SLC12A2: variants seen among roughly 807,000 people sequenced by gnomAD.
SLC12A2 encodes the protein Na-K-2Cl cotransporter 1.
A neutral mutation model predicts 136.3 loss-of-function variants in SLC12A2; 67 were observed. That is an observed-to-expected ratio of 0.49 (90% confidence interval 0.40 to 0.60). The LOEUF (loss-of-function observed/expected upper bound fraction) is 0.60. Ranked by LOEUF, SLC12A2 falls within the 20% of genes least tolerant of loss-of-function variation. The pLI is 0.00. For synonymous variants in SLC12A2, 619 were observed against 562.9 expected, an observed-to-expected ratio of 1.10 and a Z score of -1.41; for missense variants, 1,322 against 1,534.7, an observed-to-expected ratio of 0.86 and a Z score of 2.32.
intron 12 of SLC12A2, 59 bp from the exon 13 acceptor site, chr5:128,149,938 A>G: frequency 1.8e-6 from 2 of 1,142,104 alleles, no homozygotes; most frequent in Non-Finnish European, 2.6e-6. Context: ...AATACTTCAT[A>G]ATTTTAAAAA....
chr5:128,175,075 TC>T (rs2126750879), intron 20 of SLC12A2, among the ~76,000 whole-genome samples: 1 of 152,228 alleles, frequency 6.6e-6, no homozygotes, highest in African/African-American at 2.4e-5. Flanking sequence ...GACTTCCAAA[TC>T]TTACTCTCCC....
chr5:128,140,378 A>C (rs1483825308), intron 9 of SLC12A2, among the ~76,000 whole-genome samples: 1 of 152,182 alleles, frequency 6.6e-6, no homozygotes, highest in Non-Finnish European at 1.5e-5. Flanking sequence ...TATTTTGAAA[A>C]CACGGATGAA....
Position 128,146,176 on chromosome 5 carries a change from G to A in SLC12A2, c.1774-1446G>A, listed in dbSNP as rs141731211. ...AAATAAGTTATAGACATCATGACAC[G>A]ACGATCATTTTGAAGTATTTAATGC... is the stretch of plus-strand genomic sequence containing the variant. On this transcript the variant is annotated intron_variant, in intron 10 of 26. Coordinates refer to ENST00000262461, the MANE Select transcript of SLC12A2 (RefSeq NM_001046.3). Among the ~76,000 whole-genome samples, 258 of 151,844 alleles carry A rather than the reference G, an allele frequency of 1.7e-3. 1 individual carries two copies. Among genetic ancestry groups the A allele is most frequent in the African/African-American group, 5.0e-3 (209 of 41,494 alleles).
intron 1 of SLC12A2, among the ~76,000 whole-genome samples, chr5:128,096,787 A>G (rs1449393874): frequency 6.6e-6 from 1 of 152,034 alleles, no homozygotes; most frequent in African/African-American, 2.4e-5. Context: ...AAACAAATTT[A>G]AGAAAGGTAA....
At chr5:128,143,102 G>A (rs1762424400) in intron 10 of SLC12A2, among the ~76,000 whole-genome samples, 1 of 151,984 alleles carries the variant, frequency 6.6e-6, no homozygotes, top group Admixed American at 6.6e-5. Context: ...CCATTTATTT[G>A]TATTTTCTTT....
chr5:128,162,699 CAG>C (rs975686251), intron 17 of SLC12A2, among the ~76,000 whole-genome samples: 18 of 151,732 alleles, frequency 1.2e-4, no homozygotes, highest in African/African-American at 1.9e-4. Context: ...ATGTCAGTAA[CAG>C]AAAAAAAGCG....
At chr5:128,104,646 A>T (rs1256974031) in intron 1 of SLC12A2, among the ~76,000 whole-genome samples, 10 of 141,976 alleles carry the variant, frequency 7.0e-5, no homozygotes, top group East Asian at 6.0e-4. Flanking sequence ...AAAAGAAAAA[A>T]AAATATATAT....
At chr5:128,175,739 C>G (rs1400890994) in intron 20 of SLC12A2, among the ~76,000 whole-genome samples, 1 of 151,862 alleles carries the variant, frequency 6.6e-6, no homozygotes, top group Non-Finnish European at 1.5e-5. Flanking sequence ...TTTCTACTTA[C>G]CTTTTTATTG....
intron 7 of SLC12A2, among the ~76,000 whole-genome samples, chr5:128,138,047 C>G (rs1762241985): frequency 6.6e-6 from 1 of 151,484 alleles, no homozygotes; most frequent in East Asian, 1.9e-4. Context: ...AAATGATTCT[C>G]TCACCCCAGC....
At chr5:128,107,049 ACTC>A (rs1760963999) in intron 1 of SLC12A2, among the ~76,000 whole-genome samples, 3 of 151,888 alleles carry the variant, frequency 2.0e-5, no homozygotes, top group Admixed American at 2.0e-4. Context: ...AGATAAGGGA[ACTC>A]CTCCTTAAAG....
Position 128,178,670 on chromosome 5 carries a change from G to C in SLC12A2, c.3081G>C (p.Trp1027Cys), listed in dbSNP as rs1238901953. The C allele has an allele frequency of 1.1e-5, 17 of 1,569,736 alleles. No individual in the cohort carries two copies. Among genetic ancestry groups the C allele is most frequent in the Admixed American group, 2.0e-5 (1 of 50,862 alleles). The stretch of plus-strand genomic sequence containing the variant: ...AAGGAAAGAATACTATTGATGTCTG[G>C]TGGCTTTTTGATGATGGAGGTAAGG... The part of the protein sequence containing the change: ...KKQGKNTIDV[W>C]WLFDDGGLTL... The change falls in exon 22 of 27, where the codon TGG (tryptophan) becomes TGC (cysteine). Residue 1027 changes from tryptophan to cysteine, a missense_variant. Trp to Cys is a radical substitution (Grantham distance 215). Coordinates refer to ENST00000262461, the MANE Select transcript of SLC12A2 (RefSeq NM_001046.3).
chr5:128,119,367 CAA>C (rs1761470598), intron 4 of SLC12A2, among the ~76,000 whole-genome samples: 1 of 152,116 alleles, frequency 6.6e-6, no homozygotes. Context: ...AATTTTAATT[CAA>C]AGAGCCCCAT....
chr5:128,126,128 T>C (rs1761784312), intron 4 of SLC12A2, among the ~76,000 whole-genome samples: 2 of 152,232 alleles, frequency 1.3e-5, no homozygotes, highest in Non-Finnish European at 2.9e-5. Context: ...TCTAGATCTT[T>C]AGCATTTTCA....
At chr5:128,153,790 G>A (rs1193484599) in intron 15 of SLC12A2, among the ~76,000 whole-genome samples, 1 of 151,984 alleles carries the variant, frequency 6.6e-6, no homozygotes, top group African/African-American at 2.4e-5. Context: ...AAAAGTAATT[G>A]TTTATTTTTT....
chr5:128,158,808 A>G (rs1454928817), intron 16 of SLC12A2, among the ~76,000 whole-genome samples: 3 of 150,744 alleles, frequency 2.0e-5, no homozygotes, highest in Admixed American at 1.3e-4. Context: ...AGTAATTTAC[A>G]TTCCCACCAG....
intron 15 of SLC12A2, 186 bp from the exon 16 acceptor site, chr5:128,157,867 C>G: frequency 2.0e-6 from 1 of 512,572 alleles, no homozygotes; most frequent in Non-Finnish European, 3.4e-6. Flanking sequence ...ATGTTTGTTC[C>G]AAGATTTTGT....
chr5:128,177,409 A>T, intron 21 of SLC12A2: 1 of 291,494 alleles, frequency 3.4e-6, no homozygotes, highest in Non-Finnish European at 6.3e-6. Flanking sequence ...GCCGGTATTA[A>T]TTTTTTTTAA....
intron 17 of SLC12A2, among the ~76,000 whole-genome samples, chr5:128,163,971 A>G (rs1368390822): frequency 2.0e-5 from 3 of 152,204 alleles, no homozygotes; most frequent in Non-Finnish European, 4.4e-5. Flanking sequence ...TCATATGGTT[A>G]TTTCTAGTAG....
intron 1 of SLC12A2, among the ~76,000 whole-genome samples, chr5:128,111,293 T>C (rs1439551527): frequency 6.6e-6 from 1 of 152,196 alleles, no homozygotes; most frequent in Non-Finnish European, 1.5e-5. Context: ...ATATGGAATC[T>C]AAGAGCTAAT....
Sources: gnomAD v4.1 joint callset for allele counts (sites outside exome capture counted in the v4.1 genomes callset) on GRCh38, gnomAD v4.1.1 for gene constraint, MANE v1.5 for transcripts, NCBI Gene and HGNC (gene_info 2026-07-23, HGNC 2026-07-21) for gene names.